Variants in TMEM184C observed in about 807,000 individuals in gnomAD.
The protein encoded by TMEM184C is transmembrane protein 184C, also known as transmembrane protein 34.
In TMEM184C, 25 loss-of-function variants were observed where a neutral mutation model predicts 54.5. That is an observed-to-expected ratio of 0.46 (90% CI 0.33 to 0.64). The LOEUF is 0.64. TMEM184C is among the 30% of genes least tolerant of loss of function. The probability of loss-of-function intolerance (pLI) is 0.02; values close to 1 mark genes in which losing one functional copy is unlikely to be tolerated. For synonymous variants in TMEM184C, 148 were observed against 181.5 expected, an observed-to-expected ratio of 0.82 and a Z score of 1.49; for missense variants, 335 against 520.3, an observed-to-expected ratio of 0.64 and a Z score of 3.46.
chr4:147,631,968 T>C (rs28559891), intron 7 of TMEM184C, among the ~76,000 whole-genome samples: 2,209 of 151,856 alleles, frequency 0.015, 66 homozygotes, highest in African/African-American at 0.051. Context: ...TCACCTGAGG[T>C]TGGGAGTTCC....
intron 7 of TMEM184C, 49 bp from the exon 8 acceptor site, chr4:147,632,854 C>G: frequency 6.5e-7 from 1 of 1,538,010 alleles, no homozygotes; most frequent in Non-Finnish European, 8.9e-7. Flanking sequence ...AACTACTGCT[C>G]ATTTTATGCT....
rs1173078147 is a variant in TMEM184C at position 147,634,364 on chromosome 4, T to C, written c.1247T>C (p.Ile416Thr). Residue 416 changes from isoleucine (I) to threonine (T), a missense_variant, in exon 10 of 10, where the codon ATA (isoleucine) becomes ACA (threonine). Coordinates refer to ENST00000296582, the MANE Select transcript of TMEM184C (RefSeq NM_018241.3). ...CAGACTACACCTACCACAGCTAAGA[T>C]ATCTGATGAAATCCTTAGTGATACT... is the stretch of plus-strand genomic sequence containing the variant. ...TPQTTPTTAK[I>T]SDEILSDTIG... 6.2e-7 allele frequency: 1 copy of C among 1,614,198 alleles called. No individual in the cohort carries two copies.
chr4:147,633,907 A>G lies in TMEM184C; in HGVS notation c.1022A>G (p.Asp341Gly). 1.2e-6 allele frequency: 2 copies of G among 1,613,614 alleles called. No individual in the cohort carries two copies. Among genetic ancestry groups the G allele is most frequent in the Non-Finnish European group, 1.7e-6 (2 of 1,179,884 alleles). Residue 341 changes from aspartate (D) to glycine (G), a missense_variant, in exon 9 of 10, where the codon GAT becomes GGT. Physicochemically the swap from Asp to Gly is moderately conservative, Grantham distance 94. Transcript: ENST00000296582. ...LAMWDVSDIR[D>G]DISEQVRHVG... ...ATGTGGGATGTCTCAGATATTAGAG[A>G]TGATATTTCTGAACAAGTAAGGCAT...
Position 147,617,886 on chromosome 4 carries a change from G to C in TMEM184C, c.-71G>C. Reference sequence around the variant, plus strand: ...TATGCGAGTTGACAAAACAGCCAGAGAACAGGGCTCCCCATTACAATCTTT... The same window carrying C: ...TATGCGAGTTGACAAAACAGCCAGACAACAGGGCTCCCCATTACAATCTTT... On this transcript the variant is annotated 5_prime_UTR_variant, in exon 1 of 10. Coordinates refer to ENST00000296582, the MANE Select transcript of TMEM184C (RefSeq NM_018241.3). The C allele has an allele frequency of 1.2e-6, 2 of 1,601,692 alleles. No homozygotes were observed. The highest frequency in any genetic ancestry group is 1.7e-6 in the Non-Finnish European group (2 of 1,171,634).
At chr4:147,628,303 G>A (rs980592992) in intron 4 of TMEM184C, 58 bp from the exon 5 acceptor site, 14 of 1,394,588 alleles carry the variant, frequency 1.0e-5, no homozygotes, top group Middle Eastern at 1.9e-4. Context: ...AGGCTTTGGG[G>A]AAAATCTGAT....
chr4:147,623,560 A>C (rs1397021766), intron 1 of TMEM184C, among the ~76,000 whole-genome samples: 1 of 151,206 alleles, frequency 6.6e-6, no homozygotes, highest in Non-Finnish European at 1.5e-5. Context: ...CCCTTAAAAA[A>C]AAAAAAAGAT....
At position 147,634,182 on chromosome 4, in the gene TMEM184C, G is replaced by T. The variant is rs1239252343; in HGVS notation, c.1065G>T (p.Arg355Ser). ...EQVRHVGRTV[R>S]GHPRKKLFPE... Reference sequence around the variant, plus strand: ...TTTATATTAAAGGACGGACAGTCAGGGGACATCCCAGGAAAAAATTGTTTC... The same window carrying T: ...TTTATATTAAAGGACGGACAGTCAGTGGACATCCCAGGAAAAAATTGTTTC... The change falls in exon 10 of 10, where the codon AGG becomes AGT. Residue 355 changes from arginine (R) to serine (S), a missense_variant. Physicochemically the swap from Arg to Ser is moderately radical, Grantham distance 110. Transcript: ENST00000296582. 1 of 1,613,612 alleles carries T rather than the reference G, an allele frequency of 6.2e-7. No individual in the cohort carries two copies. Among genetic ancestry groups the T allele is most frequent in the South Asian group, 1.1e-5 (1 of 91,044 alleles).
chr4:147,618,369 C>G (rs1429105273), intron 1 of TMEM184C, among the ~76,000 whole-genome samples: 1 of 152,128 alleles, frequency 6.6e-6, no homozygotes, highest in Non-Finnish European at 1.5e-5. Context: ...AATTTTATTG[C>G]TGAAATCTGA....
intron 6 of TMEM184C, 32 bp from the exon 7 acceptor site, chr4:147,631,361 T>G (rs1323421616): frequency 6.8e-7 from 1 of 1,474,104 alleles, no homozygotes; most frequent in African/African-American, 1.4e-5. Context: ...TATCTATTAC[T>G]GAACAAGTTT....
At chr4:147,633,675 C>A in intron 8 of TMEM184C, 90 bp from the exon 9 acceptor site, 2 of 1,095,494 alleles carry the variant, frequency 1.8e-6, no homozygotes, top group Admixed American at 2.8e-5. Context: ...TTTATCTTAG[C>A]ACTTTTGAAA....
At chr4:147,620,177 T>C (rs978618910) in intron 1 of TMEM184C, among the ~76,000 whole-genome samples, 1 of 152,166 alleles carries the variant, frequency 6.6e-6, no homozygotes, top group Non-Finnish European at 1.5e-5. Context: ...CATTGTCAAC[T>C]TCCCCCCACC....
At chr4:147,620,466 T>C (rs1047788396) in intron 1 of TMEM184C, among the ~76,000 whole-genome samples, 1 of 152,208 alleles carries the variant, frequency 6.6e-6, no homozygotes, top group African/African-American at 2.4e-5. Flanking sequence ...GGCAGTCTAA[T>C]TGCATAACTT....
chr4:147,628,403 A>C lies in TMEM184C; in HGVS notation c.540A>C (p.Thr180=). The change falls in exon 5 of 10, where the codon ACA becomes ACC. Residue 180 remains threonine (T), a synonymous_variant. Coordinates refer to ENST00000296582, the MANE Select transcript of TMEM184C (RefSeq NM_018241.3). ...FRCKLGVLQY[T]VVRPFTTIVA... ...GCAAACTAGGTGTATTACAGTACACAGTTGTCAGACCTTTCACCACCATCG... is the reference window on the plus strand; with the variant it reads ...GCAAACTAGGTGTATTACAGTACACCGTTGTCAGACCTTTCACCACCATCG... 1.2e-6 allele frequency: 2 copies of C among 1,613,906 alleles called. No homozygotes were observed. Among genetic ancestry groups the C allele is most frequent in the East Asian group, 4.5e-5 (2 of 44,866 alleles).
chr4:147,625,910 C>T (rs767608963), intron 4 of TMEM184C, among the ~76,000 whole-genome samples: 19 of 152,052 alleles, frequency 1.2e-4, no homozygotes, highest in Non-Finnish European at 2.1e-4. Flanking sequence ...CCTAGGCATT[C>T]GGGGAGCAGA....
chr4:147,635,844 A>G lies in TMEM184C; in HGVS notation c.*1410A>G, dbSNP rs1221749081. ...AAAGCATTAGCATTTTTATACATAA[A>G]TAATGAAAATAATGACCTAACTGAA... On this transcript the variant is annotated 3_prime_UTR_variant, in exon 10 of 10. Coordinates refer to ENST00000296582, the MANE Select transcript of TMEM184C (RefSeq NM_018241.3). 1 of 152,208 alleles carries G rather than the reference A, an allele frequency of 6.6e-6. No homozygotes were observed. The highest frequency in any genetic ancestry group is 1.5e-5 in the Non-Finnish European group (1 of 68,032). 9.4% of individuals were successfully genotyped at this position (152,208 alleles called of 1,614,324 possible).
At position 147,623,820 on chromosome 4, in the gene TMEM184C, T is replaced by C. The variant is rs1242138302; in HGVS notation, c.124-14T>C. ...TATCAGAATTTATATTAACATGTTA[T>C]TTTGTTTCTTAAGGTTGGAATACAC... On this transcript the variant is annotated splice_polypyrimidine_tract_variant and intron_variant, in intron 1 of 9. Transcript: ENST00000296582. 2 of 1,612,266 alleles carry C rather than the reference T, an allele frequency of 1.2e-6. No homozygotes were observed. Among genetic ancestry groups the C allele is most frequent in the Non-Finnish European group, 1.7e-6 (2 of 1,179,404 alleles).
chr4:147,635,551 C>T lies in TMEM184C; in HGVS notation c.*1117C>T, dbSNP rs1041308551. ...AAACAGAAAGTGCCATAGTATGTTA[C>T]AGAAAGCAAAGATGAGTATTGTTTC... On this transcript the variant is annotated 3_prime_UTR_variant, in exon 10 of 10. Transcript: ENST00000296582. The T allele has an allele frequency of 2.0e-5, 3 of 152,160 alleles. No individual in the cohort carries two copies. The highest frequency in any genetic ancestry group is 4.4e-5 in the Non-Finnish European group (3 of 68,014). The allele number at this position is 152,160 out of a possible 1,614,324, so 9.4% of individuals were successfully genotyped here.
Position 147,617,757 on chromosome 4 carries a change from T to C in TMEM184C, c.-200T>C, listed in dbSNP as rs1732624286. 1 of 636,114 alleles carries C rather than the reference T, an allele frequency of 1.6e-6. No individual in the cohort carries two copies. The highest frequency in any genetic ancestry group is 1.8e-5 in the African/African-American group (1 of 55,078). 39.4% of individuals were successfully genotyped at this position (636,114 alleles called of 1,614,324 possible). On this transcript the variant is annotated 5_prime_UTR_variant, in exon 1 of 10. Coordinates refer to ENST00000296582, the MANE Select transcript of TMEM184C (RefSeq NM_018241.3). ...CCTGCACTGCTCGCCAATAGCACCCTGAGAGGCTACATTTGCAGAAGCAGC... is the reference window on the plus strand; with the variant it reads ...CCTGCACTGCTCGCCAATAGCACCCCGAGAGGCTACATTTGCAGAAGCAGC...
rs183831201 is a variant in TMEM184C at position 147,625,565 on chromosome 4, G to A, written c.497+556G>A. ...CAGCAAGCAAACATTTGGAAACAGT[G>A]TTTTAGAAAGATTAATTTTGCAATA... On this transcript the variant is annotated intron_variant, in intron 4 of 9. Transcript: ENST00000296582. Among the ~76,000 whole-genome samples, 589 of 152,316 alleles carry A rather than the reference G, an allele frequency of 3.9e-3. 2 individuals are homozygous for A. The highest frequency in any genetic ancestry group is 6.1e-3 in the Non-Finnish European group (418 of 68,018).
Sources: allele counts gnomAD v4.1 joint callset (sites outside exome capture counted in the v4.1 genomes callset), GRCh38; gene constraint gnomAD v4.1.1; transcripts MANE v1.5; gene names NCBI Gene and HGNC (gene_info 2026-07-23, HGNC 2026-07-21).